The following ACACA variants were observed in gnomAD, a reference collection of about 807,000 sequenced individuals.
ACACA encodes acetyl-CoA carboxylase alpha.
ACACA carries 103 observed loss-of-function variants against 296.1 expected under a neutral mutation model. That is an observed-to-expected ratio of 0.35 (90% CI 0.30 to 0.41). The LOEUF (loss-of-function observed/expected upper bound fraction) is 0.41, where lower values mean the gene tolerates loss of function less well. ACACA is among the 10% of genes least tolerant of loss of function. ACACA has a pLI of 1.00. For synonymous variants in ACACA, 953 were observed against 1,038.6 expected, an observed-to-expected ratio of 0.92 and a Z score of 1.58; for missense variants, 1,554 against 2,989.7, an observed-to-expected ratio of 0.52 and a Z score of 11.20.
At chr17:37,179,454 T>G in intron 40 of ACACA, 48 bp from the exon 41 acceptor site, 2 of 1,593,362 alleles carry the variant, frequency 1.3e-6, no homozygotes, top group Non-Finnish European at 1.7e-6. Flanking sequence ...AATTTCAATA[T>G]AGACAAAAAT....
intron 44 of ACACA, 147 bp from the exon 45 acceptor site, chr17:37,150,121 C>A (rs906903251): frequency 6.8e-6 from 5 of 734,768 alleles, no homozygotes; most frequent in East Asian, 2.7e-5. Flanking sequence ...CACACACACA[C>A]AAATTTCATG....
intron 29 of ACACA, chr17:37,221,467 G>C (rs370196934): frequency 2.0e-6 from 1 of 503,684 alleles, no homozygotes; most frequent in Admixed American, 3.3e-5. Flanking sequence ...TTTTAAAAAA[G>C]AAACTATTTC....
chr17:37,362,094 G>A (rs2049426070), intron 1 of ACACA, among the ~76,000 whole-genome samples: 2 of 152,128 alleles, frequency 1.3e-5, no homozygotes, highest in Admixed American at 6.5e-5. Flanking sequence ...CACATATGAA[G>A]ACATAGGGCA....
chr17:37,299,444 C>T, intron 3 of ACACA: 1 of 1,587,140 alleles, frequency 6.3e-7, no homozygotes, highest in East Asian at 2.3e-5. Flanking sequence ...ACAAGAGATA[C>T]TGTGCCTTCT....
intron 1 of ACACA, among the ~76,000 whole-genome samples, chr17:37,362,613 G>C (rs1030571318): frequency 6.6e-6 from 1 of 152,060 alleles, no homozygotes; most frequent in Non-Finnish European, 1.5e-5. Flanking sequence ...GGCATTTTTC[G>C]GTCAAATATT....
At chr17:37,225,253 G>C (rs372989782) in intron 26 of ACACA, 148 bp from the exon 27 acceptor site, 7 of 643,356 alleles carry the variant, frequency 1.1e-5, no homozygotes, top group East Asian at 3.0e-5. Context: ...ACAACTTCTA[G>C]GTCCTGTAAC....
chr17:37,137,168 C>A (rs913493094), intron 45 of ACACA, among the ~76,000 whole-genome samples: 1 of 151,916 alleles, frequency 6.6e-6, no homozygotes, highest in African/African-American at 2.4e-5. Context: ...TTTTGGATAC[C>A]AATCTTTTAT....
At position 37,248,131 on chromosome 17, in the gene ACACA, T is replaced by C. The variant is rs781651496; in HGVS notation, c.2189A>G (p.Tyr730Cys). The C allele has an allele frequency of 3.7e-6, 6 of 1,614,030 alleles. No homozygotes were observed. Among genetic ancestry groups the C allele is most frequent in the South Asian group, 1.1e-5 (1 of 91,082 alleles). Residue 730 changes from tyrosine to cysteine, a missense_variant, in exon 18 of 56, where the codon TAT becomes TGT. By Grantham distance (194) the Tyr-to-Cys change is radical (BLOSUM62 -2). Transcript: ENST00000616317. Reference sequence around the variant, plus strand: ...ACATGAGCCATTCATGATCACCACATAGGAGTTGGGGGACTGTCGAGTCAC... The same window carrying C: ...ACATGAGCCATTCATGATCACCACACAGGAGTTGGGGGACTGTCGAGTCAC... ...LKVTRQSPNS[Y>C]VVIMNGSCVE...
At chr17:37,379,225 A>T in intron 1 of ACACA, 1 of 1,614,032 alleles carries the variant, frequency 6.2e-7, no homozygotes, top group Non-Finnish European at 8.5e-7. Flanking sequence ...GCAAAGTAAA[A>T]GTCAACCTTG....
intron 45 of ACACA, among the ~76,000 whole-genome samples, chr17:37,143,370 G>GA (rs2075679221): frequency 1.3e-5 from 2 of 150,902 alleles, no homozygotes; most frequent in Non-Finnish European, 2.9e-5. Context: ...AATTGAAAAT[G>GA]AAAAAACTAC....
At chr17:37,312,937 G>A (rs2084233434) in intron 3 of ACACA, among the ~76,000 whole-genome samples, 1 of 152,016 alleles carries the variant, frequency 6.6e-6, no homozygotes, top group Non-Finnish European at 1.5e-5. Context: ...ACAATTAGTG[G>A]GTCATGATAC....
chr17:37,098,124 C>T, intron 52 of ACACA, 140 bp from the exon 53 acceptor site: 1 of 1,065,594 alleles, frequency 9.4e-7, no homozygotes, highest in Non-Finnish European at 1.4e-6. Context: ...GTCTTCTCTG[C>T]TCTTTGCTGA....
Position 37,130,223 on chromosome 17 carries a change from A to C in ACACA, c.5680-5T>G, listed in dbSNP as rs1009578947. 2 of 1,614,074 alleles carry C rather than the reference A, an allele frequency of 1.2e-6. No homozygotes were observed. Among genetic ancestry groups the C allele is most frequent in the African/African-American group, 2.7e-5 (2 of 74,924 alleles). Reference sequence around the variant, plus strand: ...GTACACTTCCCGCCCGAGGACCTAGAGAAAAGAGCAAGAGAAAAGACATTT... The same window carrying C: ...GTACACTTCCCGCCCGAGGACCTAGCGAAAAGAGCAAGAGAAAAGACATTT... On this transcript the variant is annotated splice_polypyrimidine_tract_variant and splice_region_variant and intron_variant, in intron 45 of 55. Transcript: ENST00000616317.
At chr17:37,209,335 T>A (rs542200802) in intron 30 of ACACA, among the ~76,000 whole-genome samples, 156 of 152,334 alleles carry the variant, frequency 1.0e-3, no homozygotes, top group Non-Finnish European at 2.0e-3. Context: ...CTTTTCTACT[T>A]GCTTGGCATT....
chr17:37,269,946 G>A (rs1215169112), intron 10 of ACACA, among the ~76,000 whole-genome samples: 2 of 152,114 alleles, frequency 1.3e-5, no homozygotes. Flanking sequence ...GAAAAAAAGT[G>A]AGTTAAATAT....
chr17:37,233,352 G>A (rs2079953563), intron 25 of ACACA, among the ~76,000 whole-genome samples: 1 of 152,200 alleles, frequency 6.6e-6, no homozygotes, highest in South Asian at 2.1e-4. Flanking sequence ...CTTAAGGCAA[G>A]CGTTACTTAC....
intron 48 of ACACA, among the ~76,000 whole-genome samples, chr17:37,123,095 T>A (rs183266695): frequency 1.6e-4 from 24 of 152,310 alleles, no homozygotes; most frequent in Non-Finnish European, 3.2e-4. Flanking sequence ...TAGTTTTCTA[T>A]GGAATATTAA....
At chr17:37,136,060 T>G (rs1232737708) in intron 45 of ACACA, among the ~76,000 whole-genome samples, 1 of 151,780 alleles carries the variant, frequency 6.6e-6, no homozygotes, top group South Asian at 2.1e-4. Flanking sequence ...TTTTAAAAAT[T>G]TTAAATAAAG....
chr17:37,143,283 C>T (rs1001845825), intron 45 of ACACA, among the ~76,000 whole-genome samples: 9 of 137,442 alleles, frequency 6.5e-5, no homozygotes, highest in Non-Finnish European at 1.3e-4. Context: ...ACAGCTGCAA[C>T]TTTTTTTTTT....
Sources: gnomAD v4.1 joint callset for allele counts (sites outside exome capture counted in the v4.1 genomes callset) on GRCh38, gnomAD v4.1.1 for gene constraint, MANE v1.5 for transcripts, NCBI Gene and HGNC (gene_info 2026-07-23, HGNC 2026-07-21) for gene names.